The following CCSER1 variants were observed in gnomAD, a reference collection of about 807,000 sequenced individuals.
The protein encoded by CCSER1 is serine-rich coiled-coil domain-containing protein 1.
In CCSER1, 41 loss-of-function variants were observed where a neutral mutation model predicts 82.0. The ratio of observed to expected loss-of-function variants is 0.50; its 90% confidence interval spans 0.39 to 0.65. The LOEUF is 0.65. Ranked by LOEUF, CCSER1 falls within the 30% of genes least tolerant of loss-of-function variation. The probability of loss-of-function intolerance (pLI) is 0.00; values close to 1 mark genes in which losing one functional copy is unlikely to be tolerated. For missense variants in CCSER1, 1,119 were observed against 1,064.2 expected (o/e 1.05, Z -0.72); for synonymous variants, 414 against 383.9 (o/e 1.08, Z -0.92).
chr4:90,129,174 G>A (rs917080206), intron 1 of CCSER1, among the ~76,000 whole-genome samples: 1 of 151,752 alleles, frequency 6.6e-6, no homozygotes, highest in African/African-American at 2.4e-5. Flanking sequence ...TAAAAATAAT[G>A]TGTACACGTT....
At chr4:91,303,685 C>T (rs1173259670) in intron 10 of CCSER1, among the ~76,000 whole-genome samples, 1 of 151,780 alleles carries the variant, frequency 6.6e-6, no homozygotes, top group Non-Finnish European at 1.5e-5. Flanking sequence ...ATCCAGGTTA[C>T]TGGAGATGCT....
At chr4:90,627,989 C>A in intron 5 of CCSER1, 36 bp from the exon 6 acceptor site, 1 of 1,516,366 alleles carries the variant, frequency 6.6e-7, no homozygotes, top group Non-Finnish European at 9.1e-7. Context: ...AAGCATGCTG[C>A]ACTGTAATTT....
intron 10 of CCSER1, among the ~76,000 whole-genome samples, chr4:91,086,307 C>T (rs942617864): frequency 3.3e-5 from 5 of 152,038 alleles, no homozygotes; most frequent in Admixed American, 2.6e-4. Flanking sequence ...CATTACAATG[C>T]AATTTTTAAA....
At chr4:91,108,708 T>G (rs1432335395) in intron 10 of CCSER1, among the ~76,000 whole-genome samples, 4 of 152,228 alleles carry the variant, frequency 2.6e-5, no homozygotes, top group African/African-American at 9.6e-5. Flanking sequence ...GTTTCTTTAT[T>G]CATTTCTTGC....
intron 1 of CCSER1, among the ~76,000 whole-genome samples, chr4:90,255,127 G>A (rs1018410532): frequency 6.6e-5 from 10 of 151,776 alleles, no homozygotes; most frequent in Admixed American, 3.3e-4. Flanking sequence ...AAAATTTAGC[G>A]CTTTTCGTCA....
chr4:91,506,382 G>C (rs1450537857), intron 10 of CCSER1, among the ~76,000 whole-genome samples: 1 of 151,546 alleles, frequency 6.6e-6, no homozygotes, highest in Non-Finnish European at 1.5e-5. Context: ...CTCCAGCTTT[G>C]TTTTTTTGTT....
chr4:91,089,083 A>G (rs1723677333), intron 10 of CCSER1, among the ~76,000 whole-genome samples: 2 of 152,314 alleles, frequency 1.3e-5, no homozygotes, highest in South Asian at 4.1e-4. Context: ...GCATCAGCAG[A>G]CTAGCATCCT....
At chr4:91,441,309 G>C (rs1755119823) in intron 10 of CCSER1, among the ~76,000 whole-genome samples, 1 of 152,094 alleles carries the variant, frequency 6.6e-6, no homozygotes, top group Admixed American at 6.6e-5. Flanking sequence ...TGCAAGGCTG[G>C]TTCAATATAC....
intron 10 of CCSER1, among the ~76,000 whole-genome samples, chr4:91,375,750 T>A (rs1332704321): frequency 6.6e-6 from 1 of 152,102 alleles, no homozygotes; most frequent in Non-Finnish European, 1.5e-5. Flanking sequence ...AAAGAAAGAC[T>A]TATTTCAACA....
intron 10 of CCSER1, among the ~76,000 whole-genome samples, chr4:91,331,740 A>C (rs772063843): frequency 4.6e-5 from 7 of 152,132 alleles, no homozygotes; most frequent in Non-Finnish European, 8.8e-5. Flanking sequence ...TGCCCCACCC[A>C]CTAGGCTTGT....
chr4:91,391,579 G>A (rs566574062), intron 10 of CCSER1, among the ~76,000 whole-genome samples: 1 of 152,268 alleles, frequency 6.6e-6, no homozygotes, highest in South Asian at 2.1e-4. Context: ...GAGATTATAG[G>A]CATAAGCCAC....
chr4:90,243,187 C>G (rs1276792981), intron 1 of CCSER1, among the ~76,000 whole-genome samples: 1 of 151,724 alleles, frequency 6.6e-6, no homozygotes, highest in Non-Finnish European at 1.5e-5. Flanking sequence ...CCTCAGCCTC[C>G]CAAGCAGCTA....
At chr4:90,205,075 G>A (rs968360465) in intron 1 of CCSER1, among the ~76,000 whole-genome samples, 24 of 152,162 alleles carry the variant, frequency 1.6e-4, no homozygotes, top group Non-Finnish European at 3.4e-4. Flanking sequence ...TTGCTTATCA[G>A]CTTAAGGAAA....
intron 10 of CCSER1, among the ~76,000 whole-genome samples, chr4:91,234,863 C>T (rs917102795): frequency 2.0e-5 from 3 of 152,054 alleles, no homozygotes; most frequent in Admixed American, 1.3e-4. Flanking sequence ...TCTTTAGAAA[C>T]TCACGTTATC....
chr4:90,849,851 G>T (rs1487968906), intron 8 of CCSER1, among the ~76,000 whole-genome samples: 1 of 148,360 alleles, frequency 6.7e-6, no homozygotes, highest in East Asian at 2.0e-4. Flanking sequence ...GCCCTATGCA[G>T]AAATTTGCAT....
intron 10 of CCSER1, among the ~76,000 whole-genome samples, chr4:91,196,934 G>A (rs565317748): frequency 6.6e-6 from 1 of 152,300 alleles, no homozygotes; most frequent in South Asian, 2.1e-4. Context: ...CTTCTTTAGT[G>A]CCTATATTGG....
chr4:90,435,492 T>C (rs1758879605), intron 4 of CCSER1, among the ~76,000 whole-genome samples: 1 of 152,158 alleles, frequency 6.6e-6, no homozygotes, highest in African/African-American at 2.4e-5. Context: ...GCTCCTTCTA[T>C]TGATAAATTC....
chr4:90,350,284 C>G (rs990236326), intron 3 of CCSER1, among the ~76,000 whole-genome samples: 1 of 151,866 alleles, frequency 6.6e-6, no homozygotes, highest in Non-Finnish European at 1.5e-5. Context: ...AGATTATTTG[C>G]GAGTGTTATA....
intron 9 of CCSER1, among the ~76,000 whole-genome samples, chr4:91,057,490 T>C (rs1295999538): frequency 6.6e-6 from 1 of 152,124 alleles, no homozygotes; most frequent in Non-Finnish European, 1.5e-5. Context: ...GAGGCTAACA[T>C]AATTGGACGA....
Sources: allele counts gnomAD v4.1 joint callset (sites outside exome capture counted in the v4.1 genomes callset), GRCh38; gene constraint gnomAD v4.1.1; transcripts MANE v1.5; gene names NCBI Gene and HGNC (gene_info 2026-07-23, HGNC 2026-07-21).